SRRT: variants seen among roughly 807,000 people sequenced by gnomAD.
SRRT encodes the protein serrate, RNA effector molecule.
Under a neutral mutation model 103.2 loss-of-function variants are expected in SRRT, and 32 were observed. That is an observed-to-expected ratio of 0.31 (90% CI 0.23 to 0.42). The LOEUF (loss-of-function observed/expected upper bound fraction) is 0.42. SRRT is among the 10% of genes least tolerant of loss of function. The pLI is 1.00. For missense variants in SRRT, 986 were observed against 1,207.5 expected, an observed-to-expected ratio of 0.82 and a Z score of 2.72; for synonymous variants, 525 against 449.0, an observed-to-expected ratio of 1.17 and a Z score of -2.14.
Position 100,881,670 on chromosome 7 carries a change from G to C in SRRT, c.263G>C (p.Ser88Thr). The change falls in exon 4 of 20, where the codon AGC becomes ACC. Residue 88 changes from serine (S) to threonine (T), a missense_variant. Coordinates refer to ENST00000611405, the MANE Select transcript of SRRT (RefSeq NM_015908.6). ...KRMRRDWDEH[S>T]SDPYHSGYEM... is the part of the protein sequence containing the mutation. ...TCCCCCACCTTCAGGGATGAGCACA[G>C]CTCTGACCCATACCACAGTGGCTAT... 1 of 1,614,060 alleles carries C rather than the reference G, an allele frequency of 6.2e-7. No homozygotes were observed. Among genetic ancestry groups the C allele is most frequent in the Non-Finnish European group, 8.5e-7 (1 of 1,180,034 alleles).
chr7:100,884,300 A>G (rs1167943543), intron 6 of SRRT, 61 bp downstream of exon 6: 8 of 1,612,834 alleles, frequency 5.0e-6, no homozygotes, highest in Middle Eastern at 1.6e-4. Context: ...GTGTCTGGGG[A>G]TCAGGTAGAA....
chr7:100,881,347 G>T lies in SRRT; in HGVS notation c.185G>T (p.Arg62Leu), dbSNP rs1180793197. 13 of 1,613,460 alleles carry T rather than the reference G, an allele frequency of 8.1e-6. No individual in the cohort carries two copies. Among genetic ancestry groups the T allele is most frequent in the Non-Finnish European group, 1.0e-5 (12 of 1,179,860 alleles). The part of the protein sequence containing the change: ...RGEYRDYDRN[R>L]RERFSPPRHE... ...GAATATCGGGACTATGACCGGAATCGGCGAGAGCGCTTCTCGCCACCTCGC... is the reference window on the plus strand; with the variant it reads ...GAATATCGGGACTATGACCGGAATCTGCGAGAGCGCTTCTCGCCACCTCGC... The change falls in exon 3 of 20, where the codon CGG (arginine) becomes CTG (leucine). Residue 62 changes from arginine to leucine, a missense_variant. Arg to Leu is a moderately radical substitution (Grantham distance 102, BLOSUM62 -2). Coordinates refer to ENST00000611405, the MANE Select transcript of SRRT (RefSeq NM_015908.6).
In SRRT at chr7:100,885,775, G is replaced by C; in HGVS notation, c.1379+13G>C. 3 of 1,614,180 alleles carry C rather than the reference G, an allele frequency of 1.9e-6. No individual in the cohort carries two copies. The stretch of plus-strand genomic sequence containing the variant: ...AGCCAGAGAGGAGGTGAGTAACTCG[G>C]TGCGTTGGAGGGAAAAGTGCAGGGG... On this transcript the variant is annotated intron_variant, in intron 11 of 19. Transcript: ENST00000611405. The surrounding 1 kb of genome is among the most constrained non-coding windows in gnomAD (Gnocchi z 4.8).
chr7:100,882,078 C>A lies in SRRT; in HGVS notation c.424C>A (p.Leu142Met). 1 of 1,613,920 alleles carries A rather than the reference C, an allele frequency of 6.2e-7. No individual in the cohort carries two copies. Among genetic ancestry groups the A allele is most frequent in the Non-Finnish European group, 8.5e-7 (1 of 1,179,896 alleles). The change falls in exon 5 of 20, where the codon CTG becomes ATG. Residue 142 changes from leucine (L) to methionine (M), a missense_variant. Physicochemically the swap from Leu to Met is conservative, Grantham distance 15 (BLOSUM62 2). Around this residue, in one of 6 missense-constraint regions of SRRT, gnomAD observed 274 missense variants for 358.5 expected, o/e 0.76. Transcript: ENST00000611405. This position sits in a 1 kb window ranked among gnomAD's most constrained non-coding sequence, Gnocchi z 4.2. Reference protein sequence around the residue: ...ARLGSIAEIDLGVPPPVMKTF... With the variant: ...ARLGSIAEIDMGVPPPVMKTF... ...GCTGGGCAGCATTGCAGAGATTGAC[C>A]TGGGTGTGCCGCCGCCCGTGATGAA...
intron 4 of SRRT, 39 bp downstream of exon 4, chr7:100,881,844 G>A (rs770959752): frequency 8.3e-6 from 13 of 1,558,166 alleles, no homozygotes; most frequent in African/African-American, 2.7e-5. Flanking sequence ...TGGTAGGCCT[G>A]GGGGATGGAT....
At position 100,885,220 on chromosome 7, in the gene SRRT, G is replaced by T. The variant is rs376935428; in HGVS notation, c.1167G>T (p.Ala389=). 6.2e-7 allele frequency: 1 copy of T among 1,613,866 alleles called. No homozygotes were observed. The highest frequency in any genetic ancestry group is 8.5e-7 in the Non-Finnish European group (1 of 1,179,904). Reference sequence around the variant, plus strand: ...ACCCCCCTTCCTGCCTAGAAGAAGCGCTCAAGGAGAAGGAGAAGCCCAAGG... The same window carrying T: ...ACCCCCCTTCCTGCCTAGAAGAAGCTCTCAAGGAGAAGGAGAAGCCCAAGG... ...AEEEKEEAEE[A]LKEKEKPKEE... The change falls in exon 10 of 20, where the codon GCG becomes GCT. Residue 389 remains alanine, a synonymous_variant. Transcript: ENST00000611405. The surrounding 1 kb of genome is among the most constrained non-coding windows in gnomAD (Gnocchi z 4.8).
intron 4 of SRRT, 66 bp from the exon 5 acceptor site, chr7:100,881,987 C>T: frequency 6.4e-7 from 1 of 1,552,738 alleles, no homozygotes; most frequent in Non-Finnish European, 8.7e-7. Context: ...GCCCCAGCTA[C>T]TTTGGCCCCT....
At position 100,886,787 on chromosome 7, in the gene SRRT, C is replaced by G. The variant is rs767030426; in HGVS notation, c.1648-8C>G. On this transcript the variant is annotated splice_polypyrimidine_tract_variant and splice_region_variant and intron_variant, in intron 13 of 19. Coordinates refer to ENST00000611405, the MANE Select transcript of SRRT (RefSeq NM_015908.6). ...CTCTGCCTTACTTGCTTCTCTTCCT[C>G]CCATCAGAGCCTGCCCTCGCAAAAC... is the stretch of plus-strand genomic sequence containing the variant. 4 of 1,614,014 alleles carry G rather than the reference C, an allele frequency of 2.5e-6. No homozygotes were observed. In the Admixed American group the frequency reaches 6.7e-5, roughly 27 times the overall value.
In SRRT at chr7:100,882,331, C is replaced by A; in HGVS notation, c.587+90C>A. The A allele has an allele frequency of 6.9e-7, 1 of 1,453,566 alleles. No individual in the cohort carries two copies. The highest frequency in any genetic ancestry group is 1.3e-5 in the South Asian group (1 of 76,500). 90.0% of individuals were successfully genotyped at this position (1,453,566 alleles called of 1,614,324 possible). A position where few individuals can be genotyped will look rare whatever the true frequency, so the allele number is the denominator to read the frequency against. On this transcript the variant is annotated intron_variant, in intron 5 of 19. Coordinates refer to ENST00000611405, the MANE Select transcript of SRRT (RefSeq NM_015908.6). This position sits in a 1 kb window ranked among gnomAD's most constrained non-coding sequence, Gnocchi z 4.2. The stretch of plus-strand genomic sequence containing the variant: ...ACAGCCCTGTCCTCTTCCCAGTTTT[C>A]CCTGTCCAGAACTTTCTGGGGGCGG...
Position 100,881,546 on chromosome 7 carries a change from C to A in SRRT, c.252-113C>A, listed in dbSNP as rs17162522. 14,110 of 1,569,930 alleles carry A rather than the reference C, an allele frequency of 9.0e-3. 1,028 individuals are homozygous for A. The African/African-American group carries it at 0.16, about 18-fold the overall frequency. On this transcript the variant is annotated intron_variant, in intron 3 of 19. Coordinates refer to ENST00000611405, the MANE Select transcript of SRRT (RefSeq NM_015908.6). ...TCCCATCACCCATCGTTACTTTGTCCCTTGAAACCCTTGTCTGGGAGACCA... is the reference window on the plus strand; with the variant it reads ...TCCCATCACCCATCGTTACTTTGTCACTTGAAACCCTTGTCTGGGAGACCA...
Position 100,886,981 on chromosome 7 carries a change from G to T in SRRT, c.1821+13G>T. On this transcript the variant is annotated intron_variant, in intron 14 of 19. Transcript: ENST00000611405. ...GAAGTTGATTAAGGTGCCAGTGGCA[G>T]CGCGGGGCACGTGGGGGCTCGGGCG... is the stretch of plus-strand genomic sequence containing the variant. The T allele has an allele frequency of 6.2e-7, 1 of 1,609,760 alleles. No individual in the cohort carries two copies.
intron 2 of SRRT, among the ~76,000 whole-genome samples, chr7:100,877,676 T>C (rs1815880119): frequency 6.6e-6 from 1 of 151,606 alleles, no homozygotes; most frequent in African/African-American, 2.4e-5. Flanking sequence ...TGCGTGCCAC[T>C]CTGCCTGGCT....
intron 2 of SRRT, chr7:100,876,036 T>C: frequency 3.5e-6 from 1 of 289,022 alleles, no homozygotes; most frequent in Non-Finnish European, 7.0e-6. Flanking sequence ...CTGGCTGGAG[T>C]GCATTGATGC....
intron 2 of SRRT, among the ~76,000 whole-genome samples, chr7:100,876,328 T>A (rs1334039129): frequency 6.6e-6 from 1 of 152,160 alleles, no homozygotes; most frequent in Non-Finnish European, 1.5e-5. Flanking sequence ...ATTTTTGTAT[T>A]TTTAGTAGAG....
chr7:100,886,026 A>T, intron 12 of SRRT, 85 bp downstream of exon 12: 1 of 1,501,848 alleles, frequency 6.7e-7, no homozygotes, highest in Non-Finnish European at 9.2e-7. Flanking sequence ...TTCATCTGAT[A>T]GTTTGGTTGT....
chr7:100,885,821 A>G lies in SRRT; in HGVS notation c.1380-42A>G, dbSNP rs368046977. 1.5e-5 allele frequency: 25 copies of G among 1,613,256 alleles called. No homozygotes were observed. The highest frequency in any genetic ancestry group is 1.1e-4 in the African/African-American group (8 of 74,688). On this transcript the variant is annotated intron_variant, in intron 11 of 19. Transcript: ENST00000611405. This position sits in a 1 kb window ranked among gnomAD's most constrained non-coding sequence, Gnocchi z 4.8. ...AGGGGAACGTTAATGGCCAACACCA[A>G]CTCCCTCGCTTGACTATGCTAACAT...
At position 100,882,289 on chromosome 7, in the gene SRRT, G is replaced by A. The variant is rs1042255356; in HGVS notation, c.587+48G>A. 1 of 1,587,350 alleles carries A rather than the reference G, an allele frequency of 6.3e-7. No individual in the cohort carries two copies. On this transcript the variant is annotated intron_variant, in intron 5 of 19. Coordinates refer to ENST00000611405, the MANE Select transcript of SRRT (RefSeq NM_015908.6). This position sits in a 1 kb window ranked among gnomAD's most constrained non-coding sequence, Gnocchi z 4.2. ...ACCTCTGCCCTGGCATGTCCCCCTG[G>A]CCCCGCTGGTGGAGCCACAGCCCTG...
At chr7:100,886,640 A>G in intron 13 of SRRT, 155 bp from the exon 14 acceptor site, 1 of 1,042,622 alleles carries the variant, frequency 9.6e-7, no homozygotes, top group Non-Finnish European at 1.4e-6. Context: ...GGGGTGGAAC[A>G]AAAGCTAAAA....
In SRRT at chr7:100,882,962, C is replaced by T. The variant is rs1584745516; in HGVS notation, c.587+721C>T. ...GCTCAGGCAGCTAGCCAGTCAGGCC[C>T]CACTGCGGAGTCCCGCGTGGGCATC... is the stretch of plus-strand genomic sequence containing the variant. On this transcript the variant is annotated intron_variant, in intron 5 of 19. Transcript: ENST00000611405. This position sits in a 1 kb window ranked among gnomAD's most constrained non-coding sequence, Gnocchi z 4.2. The T allele has an allele frequency of 6.6e-6, 1 of 152,364 alleles. No individual in the cohort carries two copies. Among genetic ancestry groups the T allele is most frequent in the Non-Finnish European group, 1.5e-5 (1 of 68,116 alleles). 9.4% of individuals were successfully genotyped at this position (152,364 alleles called of 1,614,324 possible). A position where few individuals can be genotyped will look rare whatever the true frequency, so the allele number is the denominator to read the frequency against.
Sources: allele counts gnomAD v4.1 joint callset (sites outside exome capture counted in the v4.1 genomes callset), GRCh38; gene constraint gnomAD v4.1.1; regional missense constraint gnomAD v4.1.1; non-coding constraint Gnocchi (gnomAD v3.1); transcripts MANE v1.5; gene names NCBI Gene and HGNC (gene_info 2026-07-23, HGNC 2026-07-21).